The following DPP10 variants were observed in gnomAD, a reference collection of about 807,000 sequenced individuals.
The protein encoded by DPP10 is dipeptidyl peptidase like 10.
A neutral mutation model predicts 120.9 loss-of-function variants in DPP10; 33 were observed. That is an observed-to-expected ratio of 0.27 (90% CI 0.21 to 0.37). The LOEUF (loss-of-function observed/expected upper bound fraction) is 0.37. DPP10 is among the 10% of genes least tolerant of loss of function. The pLI is 1.00. For synonymous variants in DPP10, 337 were observed against 326.1 expected (o/e 1.03, Z -0.36); for missense variants, 816 against 942.8 (o/e 0.87, Z 1.76).
chr2:115,431,585 A>G (rs1307588458), intron 3 of DPP10, among the ~76,000 whole-genome samples: 1 of 152,158 alleles, frequency 6.6e-6, no homozygotes, highest in African/African-American at 2.4e-5. Context: ...TTAGAGCTTT[A>G]GGAATGAGAA....
chr2:114,523,486 C>T (rs1400854741), intron 1 of DPP10, among the ~76,000 whole-genome samples: 1 of 152,170 alleles, frequency 6.6e-6, no homozygotes, highest in Non-Finnish European at 1.5e-5. Context: ...GCATTGATAG[C>T]TCTGGTTGAT....
intron 5 of DPP10, among the ~76,000 whole-genome samples, chr2:115,528,951 A>C (rs1248458457): frequency 6.6e-6 from 1 of 151,874 alleles, no homozygotes; most frequent in African/African-American, 2.4e-5. Context: ...TATAAATGTC[A>C]ATGTCCTTGT....
At chr2:114,928,099 T>A (rs1359483922) in intron 1 of DPP10, among the ~76,000 whole-genome samples, 1 of 152,080 alleles carries the variant, frequency 6.6e-6, no homozygotes, top group Non-Finnish European at 1.5e-5. Flanking sequence ...GAGACAAACA[T>A]CCAAACTACA....
chr2:114,531,144 TCC>T (rs1685942144), intron 1 of DPP10, among the ~76,000 whole-genome samples: 2 of 152,108 alleles, frequency 1.3e-5, no homozygotes, highest in African/African-American at 4.8e-5. Flanking sequence ...ATTAAGCCAT[TCC>T]ATTTACTGAG....
chr2:115,468,691 G>T, intron 3 of DPP10: 1 of 357,058 alleles, frequency 2.8e-6, no homozygotes, highest in Non-Finnish European at 5.5e-6. Flanking sequence ...AGGAAGAGCA[G>T]GCTGCTACTG....
intron 1 of DPP10, among the ~76,000 whole-genome samples, chr2:114,867,374 C>G (rs1001588070): frequency 1.3e-5 from 2 of 152,140 alleles, no homozygotes; most frequent in African/African-American, 4.8e-5. Context: ...ATAATGCAAT[C>G]AAAACTGGAC....
intron 14 of DPP10, 124 bp downstream of exon 14, chr2:115,777,423 C>A (rs1682242466): frequency 2.4e-6 from 2 of 827,800 alleles, no homozygotes; most frequent in Non-Finnish European, 3.8e-6. Flanking sequence ...GAAAGAATAA[C>A]CTTTCTTTAA....
intron 17 of DPP10, among the ~76,000 whole-genome samples, chr2:115,790,527 A>G (rs995501207): frequency 6.6e-6 from 1 of 152,094 alleles, no homozygotes; most frequent in Non-Finnish European, 1.5e-5. Flanking sequence ...TTTCTCTATT[A>G]CTGTATTTTC....
rs994334478 is a variant in DPP10, at chr2:114,824,331, C to G, written c.60+381493C>G. ...ACTGATGATGAATTCCTAGATAACA[C>G]TGGGCTGTGTGCCTTTGAAATATTG... On this transcript the variant is annotated intron_variant, in intron 1 of 25. Transcript: ENST00000410059. Among the ~76,000 whole-genome samples, 33 of 152,144 alleles carry G rather than the reference C, an allele frequency of 2.2e-4. 1 individual carries two copies. Among genetic ancestry groups the G allele is most frequent in the Admixed American group, 2.2e-3 (33 of 15,282 alleles).
At chr2:115,491,410 C>T (rs905706443) in intron 3 of DPP10, among the ~76,000 whole-genome samples, 6 of 152,136 alleles carry the variant, frequency 3.9e-5, no homozygotes, top group African/African-American at 1.2e-4. Context: ...CTGAGAGGTG[C>T]TCCTGGCTAG....
At chr2:115,708,455 CAACTCTT>C (rs1397921087) in intron 7 of DPP10, among the ~76,000 whole-genome samples, 3 of 151,960 alleles carry the variant, frequency 2.0e-5, no homozygotes, top group Non-Finnish European at 4.4e-5. Context: ...AATTGGTACT[CAACTCTT>C]AATTCTTTCA....
intron 16 of DPP10, among the ~76,000 whole-genome samples, chr2:115,781,572 G>T (rs995244202): frequency 1.3e-5 from 2 of 151,880 alleles, no homozygotes; most frequent in Non-Finnish European, 2.9e-5. Flanking sequence ...ATTTTCCAGA[G>T]ATTAAATAGA....
intron 1 of DPP10, among the ~76,000 whole-genome samples, chr2:114,973,772 A>G (rs1699562070): frequency 6.6e-6 from 1 of 151,864 alleles, no homozygotes; most frequent in Non-Finnish European, 1.5e-5. Context: ...CATGCACGTT[A>G]CTGCTGCTGA....
At chr2:114,947,812 T>C (rs1424134832) in intron 1 of DPP10, among the ~76,000 whole-genome samples, 1 of 152,076 alleles carries the variant, frequency 6.6e-6, no homozygotes, top group Non-Finnish European at 1.5e-5. Flanking sequence ...GGACATGTAC[T>C]TCTTGTTTGT....
chr2:114,981,639 G>A (rs1700098971), intron 1 of DPP10, among the ~76,000 whole-genome samples: 1 of 152,082 alleles, frequency 6.6e-6, no homozygotes, highest in Non-Finnish European at 1.5e-5. Flanking sequence ...GGAATGCAGT[G>A]GCACAATTAT....
chr2:115,436,149 A>G (rs927535794), intron 3 of DPP10, among the ~76,000 whole-genome samples: 1 of 151,884 alleles, frequency 6.6e-6, no homozygotes, highest in Non-Finnish European at 1.5e-5. Context: ...GTCTATTGCA[A>G]TGCAAAATAA....
chr2:115,324,535 C>G (rs890475427), intron 2 of DPP10, among the ~76,000 whole-genome samples: 6 of 152,134 alleles, frequency 3.9e-5, no homozygotes, highest in Non-Finnish European at 8.8e-5. Context: ...TCTCTCTCAG[C>G]CTTCACAGAA....
chr2:114,752,560 G>T (rs772279146), intron 1 of DPP10, among the ~76,000 whole-genome samples: 1 of 152,110 alleles, frequency 6.6e-6, no homozygotes, highest in Non-Finnish European at 1.5e-5. Context: ...GTTACTCACC[G>T]CCAAGAGCCT....
At chr2:114,526,332 G>A (rs947738970) in intron 1 of DPP10, among the ~76,000 whole-genome samples, 1 of 152,136 alleles carries the variant, frequency 6.6e-6, no homozygotes, top group South Asian at 2.1e-4. Flanking sequence ...ACGATTGGGG[G>A]ATAAATTGCA....
Sources: gnomAD v4.1 joint callset for allele counts (sites outside exome capture counted in the v4.1 genomes callset) on GRCh38, gnomAD v4.1.1 for gene constraint, MANE v1.5 for transcripts, NCBI Gene and HGNC (gene_info 2026-07-23, HGNC 2026-07-21) for gene names.